Variants in DLG2 observed in about 807,000 individuals in gnomAD.
The protein encoded by DLG2 is discs large MAGUK scaffold protein 2.
DLG2 carries 45 observed loss-of-function variants against 132.5 expected under a neutral mutation model. That is an observed-to-expected ratio of 0.34 (90% CI 0.27 to 0.44). The LOEUF (loss-of-function observed/expected upper bound fraction) is 0.44. Among genes scored for constraint, DLG2 ranks in the 20% least tolerant of loss-of-function variants. The pLI, the probability that DLG2 is intolerant of heterozygous loss-of-function variation, is 1.00. For missense variants in DLG2, 1,045 were observed against 1,196.9 expected, an observed-to-expected ratio of 0.87 and a Z score of 1.87; for synonymous variants, 424 against 419.6, an observed-to-expected ratio of 1.01 and a Z score of -0.13.
intron 6 of DLG2, among the ~76,000 whole-genome samples, chr11:85,090,505 A>G (rs967377303): frequency 5.1e-4 from 78 of 152,138 alleles, no homozygotes; most frequent in African/African-American, 1.8e-3. Flanking sequence ...TCATATTTTC[A>G]CACATCTGTA....
intron 4 of DLG2, among the ~76,000 whole-genome samples, chr11:85,243,941 T>C (rs1315991433): frequency 6.6e-6 from 1 of 152,044 alleles, no homozygotes. Flanking sequence ...AGTCTAAGCG[T>C]CTTTATATGA....
chr11:83,514,524 C>G (rs1592231455), intron 21 of DLG2, among the ~76,000 whole-genome samples: 1 of 152,110 alleles, frequency 6.6e-6, no homozygotes, highest in Non-Finnish European at 1.5e-5. Context: ...CCTTTATTTC[C>G]TTCTCCTGCC....
chr11:83,792,938 T>C (rs2041957291), intron 17 of DLG2, among the ~76,000 whole-genome samples: 1 of 152,198 alleles, frequency 6.6e-6, no homozygotes. Flanking sequence ...CCTCACACTC[T>C]TGTAATAGTT....
At chr11:85,380,305 A>G (rs1393599596) in intron 3 of DLG2, among the ~76,000 whole-genome samples, 4 of 152,238 alleles carry the variant, frequency 2.6e-5, no homozygotes, top group Non-Finnish European at 5.9e-5. Context: ...AATACGTTCC[A>G]TATCATTTTA....
chr11:85,125,052 G>A (rs1190731825), intron 5 of DLG2, among the ~76,000 whole-genome samples: 3 of 152,066 alleles, frequency 2.0e-5, no homozygotes, highest in South Asian at 2.1e-4. Context: ...GGATGGTCTC[G>A]ATCTCCTGAC....
chr11:83,737,899 T>C (rs756100598), intron 18 of DLG2, among the ~76,000 whole-genome samples: 4 of 152,208 alleles, frequency 2.6e-5, no homozygotes, highest in Non-Finnish European at 4.4e-5. Context: ...CTTCTCCACT[T>C]ATTCTTTTGG....
chr11:84,039,689 T>C (rs1019977565), intron 11 of DLG2, among the ~76,000 whole-genome samples: 3 of 85,508 alleles, frequency 3.5e-5, no homozygotes, highest in African/African-American at 1.0e-4. Context: ...TACGTGTGCA[T>C]GTGTCTTTAT....
chr11:84,815,472 G>A lies in DLG2; in HGVS notation c.358-280741C>T, dbSNP rs992195402. Among the ~76,000 whole-genome samples, 11 of 152,036 alleles carry A rather than the reference G, an allele frequency of 7.2e-5. No homozygotes were observed. The South Asian group carries it at 2.1e-3, about 29-fold the overall frequency. On this transcript the variant is annotated intron_variant, in intron 6 of 27. Coordinates refer to ENST00000376104, the MANE Select transcript of DLG2 (RefSeq NM_001142699.3). Reference sequence around the variant, plus strand: ...GGGAATCTTTACCTGCTGCATCACCGAAGCTATCCTAGCACCTGGTATATT... The same window carrying A: ...GGGAATCTTTACCTGCTGCATCACCAAAGCTATCCTAGCACCTGGTATATT...
At chr11:85,347,961 A>G (rs1464905321) in intron 3 of DLG2, among the ~76,000 whole-genome samples, 1 of 109,146 alleles carries the variant, frequency 9.2e-6, no homozygotes, top group East Asian at 2.7e-4. Context: ...ATGCCACCAC[A>G]CTTAACTTTT....
At chr11:84,642,049 T>A (rs926223932) in intron 6 of DLG2, among the ~76,000 whole-genome samples, 3 of 145,206 alleles carry the variant, frequency 2.1e-5, no homozygotes, top group African/African-American at 8.1e-5. Context: ...TACGTATATA[T>A]GTATATATAC....
At chr11:84,037,901 G>A (rs1490416049) in intron 11 of DLG2, among the ~76,000 whole-genome samples, 1 of 151,842 alleles carries the variant, frequency 6.6e-6, no homozygotes, top group African/African-American at 2.4e-5. Context: ...CTTTTTTCTT[G>A]CTGAGACTAC....
chr11:84,035,765 C>A (rs1042659574), intron 11 of DLG2, among the ~76,000 whole-genome samples: 1 of 152,090 alleles, frequency 6.6e-6, no homozygotes, highest in Non-Finnish European at 1.5e-5. Flanking sequence ...GAACAGGGAC[C>A]AGTTTGAGTA....
chr11:83,678,841 T>G (rs1177315004), intron 18 of DLG2, among the ~76,000 whole-genome samples: 1 of 152,176 alleles, frequency 6.6e-6, no homozygotes, highest in Non-Finnish European at 1.5e-5. Flanking sequence ...TTTTTATGTT[T>G]CATTTTTTAT....
intron 6 of DLG2, among the ~76,000 whole-genome samples, chr11:85,027,442 T>C (rs1012924870): frequency 1.3e-5 from 2 of 152,170 alleles, no homozygotes; most frequent in African/African-American, 4.8e-5. Flanking sequence ...CAGCGCCTTC[T>C]GCCTGAGTAT....
At chr11:83,775,878 A>T (rs1354767631) in intron 18 of DLG2, among the ~76,000 whole-genome samples, 2 of 152,138 alleles carry the variant, frequency 1.3e-5, no homozygotes, top group African/African-American at 4.8e-5. Flanking sequence ...GGATCACAAG[A>T]TCAGGAGATC....
At chr11:84,130,521 CACAT>C (rs1342314739) in intron 9 of DLG2, among the ~76,000 whole-genome samples, 76 of 122,748 alleles carry the variant, frequency 6.2e-4, no homozygotes, top group African/African-American at 1.9e-3. Flanking sequence ...CACACACACA[CACAT>C]ATATGTGTGT....
At chr11:84,819,559 TA>T (rs138705542) in intron 6 of DLG2, among the ~76,000 whole-genome samples, 4,037 of 148,914 alleles carry the variant, frequency 0.027, 194 homozygotes, top group African/African-American at 0.095. Flanking sequence ...GATAACCTGA[TA>T]AAAAAAAAAT....
intron 3 of DLG2, among the ~76,000 whole-genome samples, chr11:85,567,508 CT>C (rs2077594633): frequency 6.6e-6 from 1 of 152,026 alleles, no homozygotes; most frequent in African/African-American, 2.4e-5. Context: ...TCTTTCTGAG[CT>C]TGTTTATTAG....
chr11:85,396,737 A>G (rs1269929478), intron 3 of DLG2, among the ~76,000 whole-genome samples: 2 of 152,194 alleles, frequency 1.3e-5, no homozygotes, highest in African/African-American at 4.8e-5. Flanking sequence ...AAAAAAGAAT[A>G]CAAAGAAATG....
Sources: gnomAD v4.1 joint callset for allele counts (sites outside exome capture counted in the v4.1 genomes callset) on GRCh38, gnomAD v4.1.1 for gene constraint, MANE v1.5 for transcripts, NCBI Gene and HGNC (gene_info 2026-07-23, HGNC 2026-07-21) for gene names.